SCN1A: variants seen among roughly 807,000 people sequenced by gnomAD.
The protein encoded by SCN1A is sodium voltage-gated channel alpha subunit 1.
Under a neutral mutation model 193.7 loss-of-function variants are expected in SCN1A, and 13 were observed. The ratio of observed to expected loss-of-function variants is 0.07; its 90% confidence interval spans 0.04 to 0.11. The LOEUF is 0.11. Among genes scored for constraint, SCN1A ranks in the 10% least tolerant of loss-of-function variants. The pLI is 1.00. For synonymous variants in SCN1A, 781 were observed against 843.6 expected, an observed-to-expected ratio of 0.93 and a Z score of 1.29; for missense variants, 1,432 against 2,451.1, an observed-to-expected ratio of 0.58 and a Z score of 8.78.
intron 2 of SCN1A, among the ~76,000 whole-genome samples, chr2:166,090,029 CTTTTTTTTTTT>C (rs545740675): frequency 2.6e-3 from 188 of 71,418 alleles, no homozygotes; most frequent in Non-Finnish European, 4.1e-3. Context: ...TCCTTCTTTC[CTTTTTTTTTTT>C]TTTTTTTTTT....
chr2:166,146,683 G>A (rs1294172453), intron 1 of SCN1A, among the ~76,000 whole-genome samples: 1 of 152,178 alleles, frequency 6.6e-6, no homozygotes, highest in Non-Finnish European at 1.5e-5. Flanking sequence ...CTTAATAAAT[G>A]AGAAGCTGAA....
At chr2:166,146,588 T>C (rs7578943) in intron 1 of SCN1A, among the ~76,000 whole-genome samples, 122,813 of 152,086 alleles carry the variant, frequency 0.81, 50,203 homozygotes, top group African/African-American at 0.94. Flanking sequence ...CCACAATGTC[T>C]GGGACAGACC....
intron 2 of SCN1A, chr2:166,109,420 G>A (rs1689054495): frequency 6.6e-6 from 1 of 152,140 alleles, no homozygotes; most frequent in Non-Finnish European, 1.5e-5. Context: ...TATACTTGGT[G>A]TGGTCTTATC....
intron 6 of SCN1A, among the ~76,000 whole-genome samples, chr2:166,055,739 G>T (rs1699066985): frequency 1.3e-5 from 2 of 151,972 alleles, no homozygotes; most frequent in Admixed American, 1.3e-4. Context: ...TATGGTTAGA[G>T]TAGCCCAACT....
At chr2:166,027,227 A>C (rs941161885) in intron 19 of SCN1A, 3 of 152,174 alleles carry the variant, frequency 2.0e-5, no homozygotes, top group African/African-American at 7.2e-5. Flanking sequence ...TACAACCCTG[A>C]TGGTAAGAGC....
intron 19 of SCN1A, among the ~76,000 whole-genome samples, chr2:166,033,808 A>T (rs1027803040): frequency 6.6e-6 from 1 of 151,992 alleles, no homozygotes. Flanking sequence ...TGTATATCTT[A>T]TGGATGGTCT....
intron 19 of SCN1A, among the ~76,000 whole-genome samples, chr2:166,023,115 G>A (rs1477359896): frequency 1.3e-5 from 2 of 152,174 alleles, no homozygotes; most frequent in Non-Finnish European, 2.9e-5. Context: ...ATTACAATAA[G>A]TATGCATATT....
intron 2 of SCN1A, among the ~76,000 whole-genome samples, chr2:166,116,796 C>T (rs1358231472): frequency 6.6e-6 from 1 of 152,054 alleles, no homozygotes; most frequent in African/African-American, 2.4e-5. Context: ...ATCACAAGCA[C>T]ATCAATTAAT....
chr2:166,005,646 C>T (rs998974653), intron 23 of SCN1A, among the ~76,000 whole-genome samples: 3 of 151,242 alleles, frequency 2.0e-5, no homozygotes, highest in African/African-American at 7.3e-5. Flanking sequence ...TTAAATTAGA[C>T]AATGAAAGAT....
intron 4 of SCN1A, among the ~76,000 whole-genome samples, chr2:166,066,082 GT>G (rs1559269029): frequency 6.6e-6 from 1 of 152,150 alleles, no homozygotes; most frequent in Admixed American, 6.5e-5. Context: ...TGGGTGGAGG[GT>G]TGGGGCCAGT....
chr2:166,044,531 A>G lies in SCN1A; in HGVS notation c.1663-482T>C, dbSNP rs1697563016. 2.6e-5 allele frequency among the ~76,000 whole-genome samples: 4 copies of G among 152,148 alleles called. No individual in the cohort carries two copies. In the South Asian group the frequency reaches 8.3e-4, roughly 32 times the overall value. On this transcript the variant is annotated intron_variant, in intron 13 of 28. Transcript: ENST00000674923. The stretch of plus-strand genomic sequence containing the variant: ...TAATTATTATTTCTTTTTCACCTAT[A>G]AGGCATTGTATTGTTGGAACTTGAA...
chr2:166,097,210 C>G (rs1574478947), intron 2 of SCN1A, among the ~76,000 whole-genome samples: 1 of 152,092 alleles, frequency 6.6e-6, no homozygotes, highest in Non-Finnish European at 1.5e-5. Context: ...TTAGTAGACA[C>G]AGGGTTCCAC....
At chr2:165,999,646 G>C (rs1021940520) in intron 25 of SCN1A, 77 bp downstream of exon 25, 2 of 1,027,752 alleles carry the variant, frequency 1.9e-6, no homozygotes, top group African/African-American at 3.2e-5. Context: ...ATTTCATTTG[G>C]TCGTTTATGC....
Position 166,036,036 on chromosome 2 carries a change from A to G in SCN1A, c.3429+12T>C, listed in dbSNP as rs1180374893. 16 of 1,612,854 alleles carry G rather than the reference A, an allele frequency of 9.9e-6. No individual in the cohort carries two copies. The East Asian group carries it at 3.3e-4, about 34-fold the overall frequency. On this transcript the variant is annotated intron_variant, in intron 19 of 28. Transcript: ENST00000674923. Reference sequence around the variant, plus strand: ...TATGTATTCATACCTTCCCACACCTATAGAATCTTACCTCTTTGCTTTCTT... The same window carrying G: ...TATGTATTCATACCTTCCCACACCTGTAGAATCTTACCTCTTTGCTTTCTT...
chr2:166,000,277 T>C (rs1238857223), intron 24 of SCN1A, among the ~76,000 whole-genome samples: 1 of 151,790 alleles, frequency 6.6e-6, no homozygotes, highest in Non-Finnish European at 1.5e-5. Flanking sequence ...GCAACTATCC[T>C]TTTAAGAATT....
intron 2 of SCN1A, among the ~76,000 whole-genome samples, chr2:166,089,902 T>A (rs547010579): frequency 2.6e-5 from 4 of 152,146 alleles, no homozygotes; most frequent in Admixed American, 6.5e-5. Context: ...TGTAAGATTA[T>A]CCTCAAATAT....
chr2:166,133,723 A>G (rs1229065056), intron 1 of SCN1A: 1 of 152,130 alleles, frequency 6.6e-6, no homozygotes. Flanking sequence ...GATGACACTA[A>G]ATGTCGTTTT....
At chr2:166,000,674 GAAA>G (rs1690705884) in intron 24 of SCN1A, among the ~76,000 whole-genome samples, 1 of 151,732 alleles carries the variant, frequency 6.6e-6, no homozygotes, top group Non-Finnish European at 1.5e-5. Flanking sequence ...TGACAGCAGT[GAAA>G]AGAAAGTAAT....
At chr2:166,033,021 A>G (rs1695838158) in intron 19 of SCN1A, among the ~76,000 whole-genome samples, 1 of 152,188 alleles carries the variant, frequency 6.6e-6, no homozygotes, top group Admixed American at 6.5e-5. Flanking sequence ...CTGAGTGTCT[A>G]CTTTGTACCA....
Sources: allele counts gnomAD v4.1 joint callset (sites outside exome capture counted in the v4.1 genomes callset), GRCh38; gene constraint gnomAD v4.1.1; transcripts MANE v1.5; gene names NCBI Gene and HGNC (gene_info 2026-07-23, HGNC 2026-07-21).